Variants in ASTN2 observed in about 807,000 individuals in gnomAD.
The protein encoded by ASTN2 is astrotactin-2.
ASTN2 carries 54 observed loss-of-function variants against 139.8 expected under a neutral mutation model. The ratio of observed to expected loss-of-function variants is 0.39; its 90% CI spans 0.31 to 0.48. ASTN2 has a LOEUF of 0.48. Among genes scored for constraint, ASTN2 ranks in the 20% least tolerant of loss-of-function variants. The pLI, the probability that ASTN2 is intolerant of heterozygous loss-of-function variation, is 0.95. For missense variants in ASTN2, 1,565 were observed against 1,725.1 expected, an observed-to-expected ratio of 0.91 and a Z score of 1.64; for synonymous variants, 756 against 719.5, an observed-to-expected ratio of 1.05 and a Z score of -0.81.
At chr9:116,829,038 A>G (rs1831726748) in intron 11 of ASTN2, among the ~76,000 whole-genome samples, 1 of 152,118 alleles carries the variant, frequency 6.6e-6, no homozygotes, top group Admixed American at 6.6e-5. Context: ...GAAACATCCC[A>G]TGCTCATGAA....
At chr9:116,864,657 C>T (rs978105164) in intron 10 of ASTN2, among the ~76,000 whole-genome samples, 3 of 152,134 alleles carry the variant, frequency 2.0e-5, no homozygotes, top group Non-Finnish European at 2.9e-5. Context: ...CAGTGAGAAG[C>T]GGCACATATC....
At position 116,773,641 on chromosome 9, in the gene ASTN2, A is replaced by T. The variant is rs568661976; in HGVS notation, c.2396+31991T>A. 5.9e-5 allele frequency among the ~76,000 whole-genome samples: 9 copies of T among 152,312 alleles called. No homozygotes were observed. In the East Asian group the frequency reaches 1.7e-3, roughly 29 times the overall value. On this transcript the variant is annotated intron_variant, in intron 13 of 22. Transcript: ENST00000313400. ...ACCACATACTGAGCAACACGAAATTATTAATACACATATTATCTCATTTCA... is the reference window on the plus strand; with the variant it reads ...ACCACATACTGAGCAACACGAAATTTTTAATACACATATTATCTCATTTCA...
chr9:116,969,850 T>C (rs1409895377), intron 10 of ASTN2, among the ~76,000 whole-genome samples: 1 of 152,150 alleles, frequency 6.6e-6, no homozygotes, highest in African/African-American at 2.4e-5. Context: ...GGTATATTAT[T>C]ACATAGTTTC....
At chr9:116,958,141 A>G (rs1428087614) in intron 10 of ASTN2, among the ~76,000 whole-genome samples, 1 of 152,186 alleles carries the variant, frequency 6.6e-6, no homozygotes. Context: ...TTACTTTGTA[A>G]TTAGTAGGCT....
At position 116,822,261 on chromosome 9, in the gene ASTN2, A is replaced by G. The variant is rs542032474; in HGVS notation, c.2041-1478T>C. ...GAGAAGAATTTGTAATTACAAATGC[A>G]TGAGAGAGTTCTTCAAGACATTTGA... On this transcript the variant is annotated intron_variant, in intron 11 of 22. Transcript: ENST00000313400. Among the ~76,000 whole-genome samples, 21 of 152,300 alleles carry G rather than the reference A, an allele frequency of 1.4e-4. 1 individual carries two copies. The highest frequency in any genetic ancestry group is 5.1e-4 in the African/African-American group (21 of 41,572).
At chr9:117,406,869 C>T (rs1040130463) in intron 1 of ASTN2, among the ~76,000 whole-genome samples, 15 of 138,170 alleles carry the variant, frequency 1.1e-4, no homozygotes, top group African/African-American at 5.1e-4. Context: ...CACACACACA[C>T]ACACACACAC....
At chr9:117,387,771 C>T (rs941017424) in intron 1 of ASTN2, among the ~76,000 whole-genome samples, 31 of 152,112 alleles carry the variant, frequency 2.0e-4, no homozygotes, top group Non-Finnish European at 3.4e-4. Context: ...GACTTCTGGA[C>T]GTGGGTTGTG....
intron 22 of ASTN2, chr9:116,437,412 A>G (rs538616084): frequency 2.1e-6 from 1 of 471,344 alleles, no homozygotes; most frequent in East Asian, 7.0e-5. Context: ...GAAAGACCAG[A>G]GGAGGAGGAA....
chr9:117,181,240 T>A (rs1395625064), intron 3 of ASTN2: 3 of 562,552 alleles, frequency 5.3e-6, no homozygotes, highest in Non-Finnish European at 9.6e-6. Context: ...CAGCAATGTA[T>A]AAGCTGAGAA....
At chr9:117,311,838 T>C (rs1397709413) in intron 1 of ASTN2, among the ~76,000 whole-genome samples, 1 of 152,166 alleles carries the variant, frequency 6.6e-6, no homozygotes, top group Non-Finnish European at 1.5e-5. Context: ...AGTGAACAAA[T>C]AATTTTTCCA....
chr9:117,124,807 T>C (rs1470571494), intron 4 of ASTN2, among the ~76,000 whole-genome samples: 1 of 89,356 alleles, frequency 1.1e-5, no homozygotes, highest in African/African-American at 4.2e-5. Context: ...CCTGCCACCA[T>C]GAAAAAAAAA....
chr9:116,632,006 C>T (rs894188214), intron 17 of ASTN2, among the ~76,000 whole-genome samples: 3 of 151,434 alleles, frequency 2.0e-5, no homozygotes, highest in Non-Finnish European at 2.9e-5. Flanking sequence ...GCCAGCTACT[C>T]GGGAGGCTGA....
At position 116,620,453 on chromosome 9, in the gene ASTN2, A is replaced by G. The variant is rs1164699813; in HGVS notation, c.3073-10T>C. On this transcript the variant is annotated splice_polypyrimidine_tract_variant and intron_variant, in intron 17 of 22. Coordinates refer to ENST00000313400, the MANE Select transcript of ASTN2 (RefSeq NM_001365068.1). Reference sequence around the variant, plus strand: ...GTGCACTCTTGAAGGCCTGGACAAAAAAAGAGGACAGAATAGACAATGATG... The same window carrying G: ...GTGCACTCTTGAAGGCCTGGACAAAGAAAGAGGACAGAATAGACAATGATG... 7.4e-6 allele frequency: 12 copies of G among 1,614,068 alleles called. No homozygotes were observed. The highest frequency in any genetic ancestry group is 1.0e-5 in the Non-Finnish European group (12 of 1,180,038).
chr9:116,805,509 G>C, intron 13 of ASTN2, 123 bp downstream of exon 13: 1 of 876,522 alleles, frequency 1.1e-6, no homozygotes, highest in Non-Finnish European at 1.8e-6. Context: ...GGGTACCTGT[G>C]AGCTTAAAGT....
At chr9:116,695,400 T>C (rs571019638) in intron 16 of ASTN2, among the ~76,000 whole-genome samples, 2 of 152,172 alleles carry the variant, frequency 1.3e-5, no homozygotes, top group South Asian at 2.1e-4. Context: ...GGAGGAAGGA[T>C]TAACTTTAGA....
intron 2 of ASTN2, among the ~76,000 whole-genome samples, chr9:117,289,101 T>C (rs187628731): frequency 1.1e-4 from 16 of 152,330 alleles, no homozygotes; most frequent in African/African-American, 3.6e-4. Context: ...AGCAGTGTTA[T>C]TGGCATGCCC....
chr9:117,414,909 G>C lies in ASTN2; in HGVS notation c.30C>G (p.Pro10=). Residue 10 remains proline (P), a synonymous_variant, in exon 1 of 23, where the codon CCC becomes CCG. Transcript: ENST00000313400. The surrounding 1 kb of genome is among the most constrained non-coding windows in gnomAD (Gnocchi z 4.2). ...GCCCCCGGAGCCCCGAGCCGGGGCC[G>C]GGGCTGAGCCGGGCGCCGGCGGCGG... The part of the protein sequence containing the change: MAAAGARLS[P]GPGSGLRGRP... 1 of 629,528 alleles carries C rather than the reference G, an allele frequency of 1.6e-6. No individual in the cohort carries two copies. Among genetic ancestry groups the C allele is most frequent in the Non-Finnish European group, 2.1e-6 (1 of 476,996 alleles). The allele number at this position is 629,528 out of a possible 1,614,324, so 39.0% of individuals were successfully genotyped here. A position where few individuals can be genotyped will look rare whatever the true frequency, so the allele number is the denominator to read the frequency against.
chr9:116,993,458 TCACACA>T (rs139297526), intron 7 of ASTN2, among the ~76,000 whole-genome samples: 1 of 148,222 alleles, frequency 6.7e-6, no homozygotes, highest in Non-Finnish European at 1.5e-5. Context: ...TCTACAGGCT[TCACACA>T]CACACACACA....
intron 13 of ASTN2, 100 bp from the exon 14 acceptor site, chr9:116,733,623 T>C: frequency 2.0e-6 from 3 of 1,487,880 alleles, no homozygotes; most frequent in East Asian, 2.3e-5. Flanking sequence ...TAAAGACTCA[T>C]GGTGGGGTGA....
Sources: allele counts gnomAD v4.1 joint callset (sites outside exome capture counted in the v4.1 genomes callset), GRCh38; gene constraint gnomAD v4.1.1; non-coding constraint Gnocchi (gnomAD v3.1); transcripts MANE v1.5; gene names NCBI Gene and HGNC (gene_info 2026-07-23, HGNC 2026-07-21).